Variants in GNB4 observed in about 807,000 individuals in gnomAD.
GNB4 encodes guanine nucleotide-binding protein subunit beta-4.
A neutral mutation model predicts 45.2 loss-of-function variants in GNB4; 28 were observed. The ratio of observed to expected loss-of-function variants is 0.62; its 90% CI spans 0.46 to 0.85. GNB4 has a LOEUF of 0.85. Ranked by LOEUF, GNB4 falls within the 40% of genes least tolerant of loss-of-function variation. The pLI is 0.00. For synonymous variants in GNB4, 132 were observed against 143.7 expected, an observed-to-expected ratio of 0.92 and a Z score of 0.58; for missense variants, 321 against 425.4, an observed-to-expected ratio of 0.75 and a Z score of 2.16.
At chr3:179,484,142 G>C in the GNB4 span, among the ~76,000 whole-genome samples, 1 of 152,126 alleles carries the variant, frequency 6.6e-6, no homozygotes. Flanking sequence ...AAATGAGTAC[G>C]TATCAATAGT....
the GNB4 span, among the ~76,000 whole-genome samples, chr3:179,490,837 G>A: frequency 4.6e-5 from 7 of 152,192 alleles, no homozygotes; most frequent in East Asian, 3.9e-4. Flanking sequence ...CAGACACACC[G>A]AAAAATAATG....
rs544417144 is a variant in GNB4 at position 179,404,304 on chromosome 3, G to T, written c.916+886C>A. Among the ~76,000 whole-genome samples, 160 of 152,282 alleles carry T rather than the reference G, an allele frequency of 1.1e-3. 1 individual carries two copies. The highest frequency in any genetic ancestry group is 0.01 in the Middle Eastern group (3 of 294). ...GTTGGGAAGAACATGGCTACGGCAGGAGCAGCTTAAAACCCAACCCTTCTC... is the reference window on the plus strand; with the variant it reads ...GTTGGGAAGAACATGGCTACGGCAGTAGCAGCTTAAAACCCAACCCTTCTC... On this transcript the variant is annotated intron_variant, in intron 9 of 9. Transcript: ENST00000232564.
rs116303338 is a variant in GNB4, at chr3:179,402,398, T to C, written c.917-1079A>G. ...TTCAATCCAGGCAAAACACCAAATA[T>C]CTTTAAAAGGTAATTGGCCTTAAGC... is the stretch of plus-strand genomic sequence containing the variant. On this transcript the variant is annotated intron_variant, in intron 9 of 9. Coordinates refer to ENST00000232564, the MANE Select transcript of GNB4 (RefSeq NM_021629.4). Among the ~76,000 whole-genome samples, 1,005 of 152,304 alleles carry C rather than the reference T, an allele frequency of 6.6e-3. 9 individuals carry two copies. The highest frequency in any genetic ancestry group is 0.023 in the African/African-American group (956 of 41,558).
chr3:179,494,781 G>A, the GNB4 span, among the ~76,000 whole-genome samples: 1 of 151,716 alleles, frequency 6.6e-6, no homozygotes, highest in East Asian at 1.9e-4. Context: ...GGTGGTGGGT[G>A]CCTGTAGTCC....
At chr3:179,516,616 T>C in the GNB4 span, among the ~76,000 whole-genome samples, 15 of 152,124 alleles carry the variant, frequency 9.9e-5, no homozygotes, top group African/African-American at 3.6e-4. Context: ...GGAAAGGAAA[T>C]GAGAGGTTTT....
chr3:179,519,250 C>T, the GNB4 span, among the ~76,000 whole-genome samples: 38,378 of 152,058 alleles, frequency 0.25, 5,020 homozygotes, highest in African/African-American at 0.32. Flanking sequence ...TCAACTCACC[C>T]GGTAGCCACT....
the GNB4 span, among the ~76,000 whole-genome samples, chr3:179,509,766 G>A: frequency 6.6e-6 from 1 of 151,352 alleles, no homozygotes; most frequent in African/African-American, 2.4e-5. Flanking sequence ...CTGCAGATGT[G>A]TTTTTGTACC....
chr3:179,495,623 A>G, the GNB4 span, among the ~76,000 whole-genome samples: 1 of 151,184 alleles, frequency 6.6e-6, no homozygotes, highest in Non-Finnish European at 1.5e-5. Context: ...AGAAAGAAAG[A>G]AAGGAGGCAG....
the GNB4 span, among the ~76,000 whole-genome samples, chr3:179,515,747 G>A: frequency 3.9e-5 from 6 of 152,068 alleles, no homozygotes; most frequent in Non-Finnish European, 8.8e-5. Flanking sequence ...TTGAAGTGTT[G>A]GGGCAGCAAA....
chr3:179,523,665 G>A, the GNB4 span, among the ~76,000 whole-genome samples: 11 of 152,276 alleles, frequency 7.2e-5, no homozygotes, highest in African/African-American at 9.6e-5. Flanking sequence ...GTGTGCTGTG[G>A]GATGGGATAT....
intron 8 of GNB4, 65 bp from the exon 9 acceptor site, chr3:179,405,471 T>C (rs1318940058): frequency 5.3e-6 from 6 of 1,127,730 alleles, no homozygotes; most frequent in Non-Finnish European, 7.7e-6. Context: ...GGCAATGTAA[T>C]AATAGACAAA....
At chr3:179,411,441 G>C (rs1714648175) in intron 8 of GNB4, among the ~76,000 whole-genome samples, 2 of 146,222 alleles carry the variant, frequency 1.4e-5, no homozygotes, top group South Asian at 4.4e-4. Flanking sequence ...ACTTATATTT[G>C]TAAAAGATGG....
the GNB4 span, among the ~76,000 whole-genome samples, chr3:179,475,524 A>G: frequency 1.3e-5 from 2 of 151,228 alleles, no homozygotes; most frequent in South Asian, 2.1e-4. Flanking sequence ...CCAGGCTGGA[A>G]TGCAATGGCG....
the GNB4 span, among the ~76,000 whole-genome samples, chr3:179,478,554 G>GT: frequency 1.3e-5 from 2 of 151,910 alleles, no homozygotes; most frequent in Middle Eastern, 3.2e-3. Flanking sequence ...GTTTTGTTTT[G>GT]TTTTTTGCAA....
the GNB4 span, among the ~76,000 whole-genome samples, chr3:179,525,292 C>G: frequency 6.6e-6 from 1 of 151,962 alleles, no homozygotes; most frequent in East Asian, 1.9e-4. Context: ...GTATTGGGGC[C>G]CAAGCGGTGT....
chr3:179,511,157 C>T, the GNB4 span, among the ~76,000 whole-genome samples: 57 of 152,166 alleles, frequency 3.7e-4, no homozygotes, highest in Admixed American at 3.4e-3. Flanking sequence ...TCAAAAGAGC[C>T]GTGGTTGATC....
At chr3:179,409,125 TAAA>T (rs35623624) in intron 8 of GNB4, among the ~76,000 whole-genome samples, 6 of 134,164 alleles carry the variant, frequency 4.5e-5, no homozygotes, top group Non-Finnish European at 4.8e-5. Context: ...TGAAACCCAG[TAAA>T]AAAAAAAAAA....
chr3:179,434,810 C>T (rs959688895), intron 1 of GNB4, among the ~76,000 whole-genome samples: 4 of 151,372 alleles, frequency 2.6e-5, no homozygotes, highest in Non-Finnish European at 5.9e-5. Context: ...GCAACTCCAA[C>T]GGCTGAGGAA....
At chr3:179,486,385 G>T in the GNB4 span, among the ~76,000 whole-genome samples, 11 of 152,040 alleles carry the variant, frequency 7.2e-5, no homozygotes, top group Admixed American at 7.2e-4. Flanking sequence ...TGCTGATTTT[G>T]CATTGTTCTC....
Sources: allele counts gnomAD v4.1 joint callset (sites outside exome capture counted in the v4.1 genomes callset), GRCh38; gene constraint gnomAD v4.1.1; transcripts MANE v1.5; gene names NCBI Gene and HGNC (gene_info 2026-07-23, HGNC 2026-07-21).